Variants in RBFOX3 observed in about 807,000 individuals in gnomAD.
RBFOX3 encodes the protein RNA binding fox-1 homolog 3.
RBFOX3 carries 17 observed loss-of-function variants against 48.7 expected under a neutral mutation model. The ratio of observed to expected loss-of-function variants is 0.35; its 90% CI spans 0.24 to 0.52. The LOEUF (loss-of-function observed/expected upper bound fraction) is 0.52, where lower values mean the gene tolerates loss of function less well. RBFOX3 is among the 20% of genes least tolerant of loss of function. The pLI, the probability that RBFOX3 is intolerant of heterozygous loss-of-function variation, is 0.94. For synonymous variants in RBFOX3, 212 were observed against 209.5 expected (o/e 1.01, Z -0.10); for missense variants, 382 against 497.5 (o/e 0.77, Z 2.21).
At chr17:79,175,750 G>C (rs1042252299) in intron 4 of RBFOX3, among the ~76,000 whole-genome samples, 1 of 152,260 alleles carries the variant, frequency 6.6e-6, no homozygotes, top group Non-Finnish European at 1.5e-5. Context: ...GGGTGATTAA[G>C]AGGCTGTTCA....
intron 1 of RBFOX3, among the ~76,000 whole-genome samples, chr17:79,559,905 GGTGA>G (rs2092089575): frequency 6.8e-6 from 1 of 147,942 alleles, no homozygotes. Flanking sequence ...TGGGTGGGTG[GGTGA>G]GTGGATGAAT....
At chr17:79,557,306 C>T (rs918014963) in intron 1 of RBFOX3, among the ~76,000 whole-genome samples, 345 of 151,602 alleles carry the variant, frequency 2.3e-3, no homozygotes, top group African/African-American at 8.1e-3. Context: ...GAATTCCAAT[C>T]CAGGCAGTGT....
At chr17:79,189,750 G>C (rs2054094815) in intron 4 of RBFOX3, among the ~76,000 whole-genome samples, 1 of 152,232 alleles carries the variant, frequency 6.6e-6, no homozygotes, top group Admixed American at 6.5e-5. Flanking sequence ...GAGCCCTCCT[G>C]TCCTGCCCAA....
At chr17:79,543,478 T>C (rs2089996392) in intron 1 of RBFOX3, among the ~76,000 whole-genome samples, 1 of 151,952 alleles carries the variant, frequency 6.6e-6, no homozygotes, top group Admixed American at 6.6e-5. Flanking sequence ...ACCAAACAGG[T>C]ACTCAACACC....
chr17:79,285,571 A>G (rs2071669217), intron 3 of RBFOX3, among the ~76,000 whole-genome samples: 1 of 152,240 alleles, frequency 6.6e-6, no homozygotes, highest in Non-Finnish European at 1.5e-5. Context: ...GCTCCATCCT[A>G]CAGGAATCCT....
intron 2 of RBFOX3, among the ~76,000 whole-genome samples, chr17:79,349,398 T>C (rs1370059355): frequency 6.6e-6 from 1 of 152,000 alleles, no homozygotes; most frequent in Non-Finnish European, 1.5e-5. Context: ...GGGCCACTGC[T>C]ATTGCTCCTG....
rs746578191 is a variant in RBFOX3, at chr17:79,479,241, C to T, written c.-175+3213G>A. 2.6e-5 allele frequency among the ~76,000 whole-genome samples: 4 copies of T among 152,198 alleles called. No individual in the cohort carries two copies. The highest frequency in any genetic ancestry group is 7.2e-5 in the African/African-American group (3 of 41,446). On this transcript the variant is annotated intron_variant, in intron 2 of 14. Transcript: ENST00000693108. The surrounding 1 kb of genome is among the most constrained non-coding windows in gnomAD (Gnocchi z 5.1). ...TAGCCCAAGGGGTGGTTTTGGCGGC[C>T]CCTTCTCTGAAGCCCATGTCCAGGC...
At chr17:79,662,103 T>C in the RBFOX3 span, among the ~76,000 whole-genome samples, 40 of 147,558 alleles carry the variant, frequency 2.7e-4, no homozygotes, top group Non-Finnish European at 2.9e-4. Flanking sequence ...TGATACAGTG[T>C]GAGGTAGGGA....
intron 5 of RBFOX3, among the ~76,000 whole-genome samples, chr17:79,113,192 G>A (rs939345874): frequency 9.9e-5 from 15 of 152,128 alleles, no homozygotes; most frequent in Non-Finnish European, 1.3e-4. Context: ...GCAGGGAGGC[G>A]TTCGGCCTTC....
chr17:79,164,708 GCCGGGGGTC>G (rs2047654017), intron 4 of RBFOX3, among the ~76,000 whole-genome samples: 1 of 152,200 alleles, frequency 6.6e-6, no homozygotes, highest in Non-Finnish European at 1.5e-5. Context: ...AAGTGGGAAG[GCCGGGGGTC>G]CAGGCACCCT....
the RBFOX3 span, among the ~76,000 whole-genome samples, chr17:79,624,147 A>C: frequency 6.6e-6 from 1 of 152,202 alleles, no homozygotes; most frequent in Non-Finnish European, 1.5e-5. Context: ...GGTTTGTTGC[A>C]GTTTGTTACG....
At chr17:79,567,585 C>T (rs1412830374) in intron 1 of RBFOX3, among the ~76,000 whole-genome samples, 1 of 152,142 alleles carries the variant, frequency 6.6e-6, no homozygotes, top group Non-Finnish European at 1.5e-5. Context: ...TTGATCATTA[C>T]ACACTGTATA....
chr17:79,143,599 GAC>G (rs2042381256), intron 4 of RBFOX3, among the ~76,000 whole-genome samples: 1 of 152,176 alleles, frequency 6.6e-6, no homozygotes, highest in African/African-American at 2.4e-5. Flanking sequence ...CCCCACCAGG[GAC>G]ACCTCTGCTC....
At chr17:79,531,068 C>T (rs2087690947) in intron 1 of RBFOX3, among the ~76,000 whole-genome samples, 1 of 152,254 alleles carries the variant, frequency 6.6e-6, no homozygotes, top group East Asian at 1.9e-4. Context: ...GGGGCTCCTC[C>T]CCGCCAGGAC....
intron 2 of RBFOX3, among the ~76,000 whole-genome samples, chr17:79,341,272 A>C (rs954797984): frequency 3.9e-5 from 6 of 152,234 alleles, no homozygotes; most frequent in South Asian, 4.1e-4. Flanking sequence ...ACAGGTGTGC[A>C]CACAGAAATG....
chr17:79,105,541 A>G (rs2077200331), intron 6 of RBFOX3, among the ~76,000 whole-genome samples: 1 of 152,178 alleles, frequency 6.6e-6, no homozygotes, highest in Non-Finnish European at 1.5e-5. Context: ...ATTCTAAGTC[A>G]TGCCAGCCCT....
At chr17:79,536,085 G>C (rs1599073827) in intron 1 of RBFOX3, among the ~76,000 whole-genome samples, 1 of 152,264 alleles carries the variant, frequency 6.6e-6, no homozygotes, top group African/African-American at 2.4e-5. Flanking sequence ...CCATGGCCAG[G>C]CAGTTCGGCC....
At chr17:79,284,700 C>T (rs781167320) in intron 3 of RBFOX3, among the ~76,000 whole-genome samples, 13 of 152,060 alleles carry the variant, frequency 8.5e-5, no homozygotes, top group South Asian at 2.1e-4. Context: ...TCACCACGTC[C>T]GGGTAATTTT....
chr17:79,097,432 A>C lies in RBFOX3; in HGVS notation c.623-8T>G. Reference sequence around the variant, plus strand: ...GGTAGGGGAACCCCGTCACTGCAGGAAACGGGGCCCGAGACACGTGTGAGA... The same window carrying C: ...GGTAGGGGAACCCCGTCACTGCAGGCAACGGGGCCCGAGACACGTGTGAGA... On this transcript the variant is annotated splice_polypyrimidine_tract_variant and splice_region_variant and intron_variant, in intron 10 of 14. Coordinates refer to ENST00000693108, the MANE Select transcript of RBFOX3 (RefSeq NM_001350451.2). 2 of 1,541,402 alleles carry C rather than the reference A, an allele frequency of 1.3e-6. No individual in the cohort carries two copies.
Sources: allele counts gnomAD v4.1 joint callset (sites outside exome capture counted in the v4.1 genomes callset), GRCh38; gene constraint gnomAD v4.1.1; non-coding constraint Gnocchi (gnomAD v3.1); transcripts MANE v1.5; gene names NCBI Gene and HGNC (gene_info 2026-07-23, HGNC 2026-07-21).